Variants in CENPW observed in about 807,000 individuals in gnomAD.
The protein encoded by CENPW is cancer-up-regulated gene 2 protein.
CENPW carries 3 observed loss-of-function variants against 11.1 expected under a neutral mutation model. That is an observed-to-expected ratio of 0.27 (90% CI 0.12 to 0.70). The LOEUF (loss-of-function observed/expected upper bound fraction) is 0.70, where lower values mean the gene tolerates loss of function less well. Ranked by LOEUF, CENPW falls within the 30% of genes least tolerant of loss-of-function variation. CENPW has a pLI of 0.77. For missense variants in CENPW, 100 were observed against 105.6 expected (o/e 0.95, Z 0.23); for synonymous variants, 38 against 42.0 (o/e 0.91, Z 0.37).
downstream of CENPW, among the ~76,000 whole-genome samples, chr6:126,349,100 A>C (rs1780460718): frequency 6.6e-6 from 1 of 152,108 alleles, no homozygotes; most frequent in Non-Finnish European, 1.5e-5. Flanking sequence ...TGGATTTAAT[A>C]GATAATTTTT....
chr6:126,474,354 C>T, the CENPW span, among the ~76,000 whole-genome samples: 1 of 151,728 alleles, frequency 6.6e-6, no homozygotes, highest in African/African-American at 2.4e-5. Flanking sequence ...TATAATTTTC[C>T]CCATGTAAAC....
chr6:126,385,363 C>T, the CENPW span, among the ~76,000 whole-genome samples: 1 of 151,892 alleles, frequency 6.6e-6, no homozygotes, highest in Non-Finnish European at 1.5e-5. Context: ...ACCTAAATGC[C>T]CATTAATAAA....
chr6:126,380,134 T>C, the CENPW span, among the ~76,000 whole-genome samples: 3 of 152,204 alleles, frequency 2.0e-5, no homozygotes, highest in Admixed American at 2.0e-4. Flanking sequence ...GAACAGAGAC[T>C]GGAAGTTGAT....
At chr6:126,369,184 G>A in the CENPW span, among the ~76,000 whole-genome samples, 1 of 151,514 alleles carries the variant, frequency 6.6e-6, no homozygotes, top group Non-Finnish European at 1.5e-5. Context: ...TTACCCACTC[G>A]TTGATAGATG....
chr6:126,440,689 G>A, the CENPW span, among the ~76,000 whole-genome samples: 3 of 151,394 alleles, frequency 2.0e-5, no homozygotes, highest in African/African-American at 7.3e-5. Context: ...ATATAGTGGG[G>A]TATTTTAGCA....
At chr6:126,375,667 C>T in the CENPW span, among the ~76,000 whole-genome samples, 1 of 152,016 alleles carries the variant, frequency 6.6e-6, no homozygotes, top group Non-Finnish European at 1.5e-5. Flanking sequence ...GCCTCTAGCC[C>T]CCTTTTCTCT....
chr6:126,389,792 TAGATTTAG>T, the CENPW span, among the ~76,000 whole-genome samples: 3 of 151,846 alleles, frequency 2.0e-5, no homozygotes, highest in Non-Finnish European at 4.4e-5. Context: ...ATTTATTTTA[TAGATTTAG>T]AAGGTGAAAC....
At chr6:126,355,945 A>G in the CENPW span, among the ~76,000 whole-genome samples, 4 of 152,166 alleles carry the variant, frequency 2.6e-5, no homozygotes, top group African/African-American at 9.6e-5. Context: ...TTCCAGTTAT[A>G]TGTAGCCAGT....
At chr6:126,361,203 T>C in the CENPW span, among the ~76,000 whole-genome samples, 10 of 152,368 alleles carry the variant, frequency 6.6e-5, no homozygotes, top group Non-Finnish European at 1.2e-4. Flanking sequence ...TGTTATAGTT[T>C]CAGCTGTTAT....
At chr6:126,421,548 T>G in the CENPW span, among the ~76,000 whole-genome samples, 1 of 151,818 alleles carries the variant, frequency 6.6e-6, no homozygotes, top group African/African-American at 2.4e-5. Context: ...TTCTGCAAAT[T>G]TTCCCGATTA....
At chr6:126,396,319 C>T in the CENPW span, among the ~76,000 whole-genome samples, 1 of 152,126 alleles carries the variant, frequency 6.6e-6, no homozygotes, top group East Asian at 1.9e-4. Context: ...AGCCACTCTC[C>T]ACCACCACCA....
the CENPW span, among the ~76,000 whole-genome samples, chr6:126,358,885 T>G: frequency 1.3e-5 from 2 of 152,096 alleles, no homozygotes; most frequent in Non-Finnish European, 2.9e-5. Flanking sequence ...ACCAGATGGA[T>G]TCACAGGCAA....
the CENPW span, among the ~76,000 whole-genome samples, chr6:126,423,653 G>A: frequency 6.6e-6 from 1 of 151,892 alleles, no homozygotes; most frequent in Non-Finnish European, 1.5e-5. Context: ...ACTTTTTGGG[G>A]GTGGGGCGGG....
chr6:126,342,199 A>C (rs979387507), intron 1 of CENPW, among the ~76,000 whole-genome samples: 1 of 152,216 alleles, frequency 6.6e-6, no homozygotes, highest in African/African-American at 2.4e-5. Context: ...GTTAAGTGAG[A>C]GGAACCTTAA....
At chr6:126,453,850 G>A in the CENPW span, among the ~76,000 whole-genome samples, 1 of 151,208 alleles carries the variant, frequency 6.6e-6, no homozygotes, top group East Asian at 1.9e-4. Context: ...CAGGGTAAAA[G>A]CATGAAGAAA....
At chr6:126,414,325 G>T in the CENPW span, among the ~76,000 whole-genome samples, 1 of 152,042 alleles carries the variant, frequency 6.6e-6, no homozygotes, top group East Asian at 1.9e-4. Flanking sequence ...CATTTACAAA[G>T]CATTTCATCC....
chr6:126,451,061 T>C, the CENPW span, among the ~76,000 whole-genome samples: 1 of 151,058 alleles, frequency 6.6e-6, no homozygotes, highest in African/African-American at 2.4e-5. Flanking sequence ...CTAATTAACA[T>C]ATTAGTAATT....
the CENPW span, among the ~76,000 whole-genome samples, chr6:126,364,536 T>A: frequency 6.6e-6 from 1 of 152,142 alleles, no homozygotes; most frequent in Non-Finnish European, 1.5e-5. Context: ...CACTAGCTCT[T>A]CCTCTTCTTC....
the CENPW span, among the ~76,000 whole-genome samples, chr6:126,414,574 T>G: frequency 6.6e-6 from 1 of 152,042 alleles, no homozygotes; most frequent in East Asian, 1.9e-4. Context: ...AGAAATTAAT[T>G]AGGAAATTTA....
Sources: allele counts gnomAD v4.1 joint callset (sites outside exome capture counted in the v4.1 genomes callset), GRCh38; gene constraint gnomAD v4.1.1; transcripts MANE v1.5; gene names NCBI Gene and HGNC (gene_info 2026-07-23, HGNC 2026-07-21).